Variants in FEZ2 observed in about 807,000 individuals in gnomAD.
The protein encoded by FEZ2 is fasciculation and elongation protein zeta 2.
In FEZ2, 51 loss-of-function variants were observed where a neutral mutation model predicts 40.4. The ratio of observed to expected loss-of-function variants is 1.26; its 90% CI spans 1.01 to 1.59. The LOEUF (loss-of-function observed/expected upper bound fraction) is 1.59. Among genes scored for constraint, FEZ2 ranks in the 40% most tolerant of loss-of-function variants. FEZ2 has a pLI of 0.00. For synonymous variants in FEZ2, 242 were observed against 172.0 expected, an observed-to-expected ratio of 1.41 and a Z score of -3.18; for missense variants, 640 against 438.3, an observed-to-expected ratio of 1.46 and a Z score of -4.11.
chr2:36,588,485 C>G (rs1276701747), intron 2 of FEZ2, among the ~76,000 whole-genome samples: 2 of 152,172 alleles, frequency 1.3e-5, no homozygotes, highest in Non-Finnish European at 2.9e-5. Flanking sequence ...ACAAGACATA[C>G]AGCAGTCCCT....
intron 6 of FEZ2, chr2:36,558,220 GT>G (rs1313187022): frequency 2.2e-4 from 75 of 341,788 alleles, no homozygotes; most frequent in East Asian, 1.7e-3. Flanking sequence ...ATTTCACAAG[GT>G]AAGAAAAACA....
Position 36,552,857 on chromosome 2 carries a change from G to C in FEZ2, c.*306C>G. On this transcript the variant is annotated 3_prime_UTR_variant, in exon 8 of 8. Transcript: ENST00000405912. ...ATAAGAAAGCCATAAAAACAAATGGGCATACTGTCAGTTAATGAGAAATAC... is the reference window on the plus strand; with the variant it reads ...ATAAGAAAGCCATAAAAACAAATGGCCATACTGTCAGTTAATGAGAAATAC... The C allele has an allele frequency of 3.1e-6, 1 of 326,572 alleles. No individual in the cohort carries two copies. The highest frequency in any genetic ancestry group is 7.5e-5 in the South Asian group (1 of 13,308). The allele number at this position is 326,572 out of a possible 1,614,324, so 20.2% of individuals were successfully genotyped here.
chr2:36,567,122 G>A (rs993774295), intron 5 of FEZ2, among the ~76,000 whole-genome samples: 3 of 152,110 alleles, frequency 2.0e-5, no homozygotes, highest in South Asian at 2.1e-4. Flanking sequence ...CCCGCAGCTT[G>A]CATAGTGCCT....
chr2:36,559,383 C>T (rs1668034430), intron 5 of FEZ2: 1 of 152,192 alleles, frequency 6.6e-6, no homozygotes, highest in South Asian at 2.1e-4. Context: ...TACCTGGAAT[C>T]TCTTAGCTCC....
At chr2:36,558,284 T>C in intron 6 of FEZ2, 154 bp downstream of exon 6, 1 of 451,984 alleles carries the variant, frequency 2.2e-6, no homozygotes, top group Non-Finnish European at 4.0e-6. Context: ...GTCACAGCCA[T>C]TTTTGGCTTC....
intron 2 of FEZ2, among the ~76,000 whole-genome samples, chr2:36,585,587 G>T (rs547903180): frequency 6.6e-6 from 1 of 152,262 alleles, no homozygotes; most frequent in South Asian, 2.1e-4. Context: ...CTCTATTGAG[G>T]CTGAACTGGT....
intron 5 of FEZ2, among the ~76,000 whole-genome samples, chr2:36,568,958 A>T (rs1454091302): frequency 6.6e-6 from 1 of 152,190 alleles, no homozygotes; most frequent in Non-Finnish European, 1.5e-5. Flanking sequence ...ATGGGCCAAG[A>T]TCCCCAAGGC....
At chr2:36,584,929 T>C (rs1668859761) in intron 2 of FEZ2, among the ~76,000 whole-genome samples, 1 of 152,098 alleles carries the variant, frequency 6.6e-6, no homozygotes, top group Non-Finnish European at 1.5e-5. Context: ...CACTGCACGG[T>C]CCACCTACAA....
intron 5 of FEZ2, among the ~76,000 whole-genome samples, chr2:36,569,867 G>A (rs1573010151): frequency 6.6e-6 from 1 of 152,050 alleles, no homozygotes; most frequent in African/African-American, 2.4e-5. Context: ...AAGCACTCAA[G>A]GAATGCTTTT....
At chr2:36,571,632 G>T (rs1178562331) in intron 5 of FEZ2, among the ~76,000 whole-genome samples, 1 of 151,972 alleles carries the variant, frequency 6.6e-6, no homozygotes, top group Non-Finnish European at 1.5e-5. Flanking sequence ...TCCAGCCTGG[G>T]CAATAGAGCA....
chr2:36,565,384 C>A (rs1178526639), intron 5 of FEZ2, among the ~76,000 whole-genome samples: 2 of 152,176 alleles, frequency 1.3e-5, no homozygotes, highest in African/African-American at 4.8e-5. Context: ...AACCAGGTGC[C>A]TCAGAATGTC....
chr2:36,568,935 G>C (rs370896294), intron 5 of FEZ2, among the ~76,000 whole-genome samples: 1 of 152,064 alleles, frequency 6.6e-6, no homozygotes, highest in Non-Finnish European at 1.5e-5. Context: ...ACCAAAATCT[G>C]AAAGACGAAG....
At chr2:36,589,873 T>C (rs2125241477) in intron 2 of FEZ2, 1 of 152,348 alleles carries the variant, frequency 6.6e-6, no homozygotes, top group South Asian at 2.1e-4. Context: ...TTCTCAATAA[T>C]CACATAATTA....
At chr2:36,565,955 G>A (rs940565546) in intron 5 of FEZ2, among the ~76,000 whole-genome samples, 7 of 152,100 alleles carry the variant, frequency 4.6e-5, no homozygotes, top group African/African-American at 1.4e-4. Context: ...GGCAAAATTG[G>A]CCTGGTTGAG....
intron 2 of FEZ2, among the ~76,000 whole-genome samples, chr2:36,584,379 C>T (rs890051938): frequency 6.6e-6 from 1 of 152,232 alleles, no homozygotes; most frequent in Admixed American, 6.5e-5. Flanking sequence ...GATTGCACCA[C>T]ATCAAGTTTG....
chr2:36,556,086 A>C (rs1361462811), intron 6 of FEZ2: 1 of 489,510 alleles, frequency 2.0e-6, no homozygotes, highest in Admixed American at 2.4e-5. Context: ...AAAGTGGGTT[A>C]CTATAATGTG....
At chr2:36,594,113 C>T (rs1669146528) in intron 1 of FEZ2, among the ~76,000 whole-genome samples, 1 of 152,042 alleles carries the variant, frequency 6.6e-6, no homozygotes, top group African/African-American at 2.4e-5. Context: ...ACTTCCTCAT[C>T]TCCATCTGAG....
chr2:36,578,683 G>C lies in FEZ2; in HGVS notation c.817C>G (p.His273Asp). ...LIEVQNKQKE[H>D]KETAKKKKKL... ...TTTTTCTTTTTTGCTGTTTCTTTGT[G>C]CTCTTTCTGTTTGTTTTGCACTTCA... is the stretch of plus-strand genomic sequence containing the variant. Residue 273 changes from histidine to aspartate, a missense_variant, in exon 5 of 8, where the codon CAC becomes GAC. Coordinates refer to ENST00000405912, the MANE Select transcript of FEZ2 (RefSeq NM_005102.3). 6.2e-7 allele frequency: 1 copy of C among 1,613,532 alleles called. No homozygotes were observed. Among genetic ancestry groups the C allele is most frequent in the South Asian group, 1.1e-5 (1 of 91,050 alleles).
chr2:36,587,079 A>T (rs967604108), intron 2 of FEZ2, among the ~76,000 whole-genome samples: 5 of 152,266 alleles, frequency 3.3e-5, no homozygotes, highest in Non-Finnish European at 5.9e-5. Context: ...TACAGCACAG[A>T]AGATGTTCTT....
Sources: gnomAD v4.1 joint callset for allele counts (sites outside exome capture counted in the v4.1 genomes callset) on GRCh38, gnomAD v4.1.1 for gene constraint, MANE v1.5 for transcripts, NCBI Gene and HGNC (gene_info 2026-07-23, HGNC 2026-07-21) for gene names.